Variants in FHIT observed in about 807,000 individuals in gnomAD.
FHIT encodes the protein bis(5'-adenosyl)-triphosphatase.
A neutral mutation model predicts 17.9 loss-of-function variants in FHIT; 19 were observed. The ratio of observed to expected loss-of-function variants is 1.06; its 90% CI spans 0.74 to 1.56. FHIT has a LOEUF of 1.56. Among genes scored for constraint, FHIT ranks in the 40% most tolerant of loss-of-function variants. The pLI is 0.00. For missense variants in FHIT, 248 were observed against 189.2 expected (o/e 1.31, Z -1.82); for synonymous variants, 81 against 69.7 (o/e 1.16, Z -0.81).
chr3:59,975,436 T>A (rs1335198674), intron 7 of FHIT, among the ~76,000 whole-genome samples: 1 of 152,128 alleles, frequency 6.6e-6, no homozygotes, highest in East Asian at 1.9e-4. Context: ...TGTAAGATGC[T>A]TTGCATAGTT....
At chr3:59,835,813 T>G (rs920241586) in intron 8 of FHIT, among the ~76,000 whole-genome samples, 2 of 152,148 alleles carry the variant, frequency 1.3e-5, no homozygotes, top group Non-Finnish European at 2.9e-5. Context: ...CAGCCTATAA[T>G]GAAATTCTAA....
intron 4 of FHIT, among the ~76,000 whole-genome samples, chr3:60,717,181 G>A (rs1461326628): frequency 6.6e-6 from 1 of 152,104 alleles, no homozygotes; most frequent in Non-Finnish European, 1.5e-5. Flanking sequence ...TGGTCAAAGG[G>A]TACAAAGTTT....
At chr3:61,220,113 A>G (rs2039798152) in intron 1 of FHIT, among the ~76,000 whole-genome samples, 1 of 152,196 alleles carries the variant, frequency 6.6e-6, no homozygotes, top group South Asian at 2.1e-4. Flanking sequence ...ATTCAGGTAC[A>G]AGAATGAAGA....
intron 7 of FHIT, among the ~76,000 whole-genome samples, chr3:59,956,623 G>T (rs764252634): frequency 6.6e-6 from 1 of 152,062 alleles, no homozygotes; most frequent in African/African-American, 2.4e-5. Flanking sequence ...AGCCAAGATC[G>T]CGCCACTGCA....
intron 4 of FHIT, among the ~76,000 whole-genome samples, chr3:60,685,629 A>G (rs2040845467): frequency 2.0e-5 from 3 of 152,188 alleles, no homozygotes; most frequent in East Asian, 1.9e-4. Flanking sequence ...TCTAAGAACG[A>G]GTATTCATTC....
Position 60,406,546 on chromosome 3 carries a change from C to T in FHIT, c.103+130314G>A, listed in dbSNP as rs144221542. ...TCCTTTATTAGCTTCCTTTCTTTATCGTTTGCTTTCACTGTATGTTTTGTG... is the reference window on the plus strand; with the variant it reads ...TCCTTTATTAGCTTCCTTTCTTTATTGTTTGCTTTCACTGTATGTTTTGTG... On this transcript the variant is annotated intron_variant, in intron 5 of 9. Coordinates refer to ENST00000492590, the MANE Select transcript of FHIT (RefSeq NM_002012.4). Among the ~76,000 whole-genome samples, 11 of 152,222 alleles carry T rather than the reference C, an allele frequency of 7.2e-5. No individual in the cohort carries two copies. In the East Asian group the frequency reaches 1.4e-3, roughly 19 times the overall value.
At chr3:60,231,071 A>G (rs553964176) in intron 5 of FHIT, among the ~76,000 whole-genome samples, 2 of 152,208 alleles carry the variant, frequency 1.3e-5, no homozygotes, top group Non-Finnish European at 2.9e-5. Flanking sequence ...CGGAAATAAA[A>G]TAATCTTATG....
At chr3:60,786,656 T>G (rs1283197071) in intron 4 of FHIT, among the ~76,000 whole-genome samples, 3 of 152,208 alleles carry the variant, frequency 2.0e-5, no homozygotes, top group Admixed American at 1.3e-4. Flanking sequence ...TAATTATAAT[T>G]ATCATCTAAA....
intron 4 of FHIT, among the ~76,000 whole-genome samples, chr3:60,699,386 T>G (rs1309493911): frequency 6.6e-6 from 1 of 152,192 alleles, no homozygotes; most frequent in African/African-American, 2.4e-5. Context: ...TGTATAATAC[T>G]GAGAAATATC....
intron 5 of FHIT, among the ~76,000 whole-genome samples, chr3:60,155,760 T>C (rs1700660999): frequency 6.6e-6 from 1 of 152,170 alleles, no homozygotes; most frequent in South Asian, 2.1e-4. Flanking sequence ...TTGTTTGCTG[T>C]TTGTGATTTG....
At chr3:60,720,778 T>C (rs1288151030) in intron 4 of FHIT, among the ~76,000 whole-genome samples, 1 of 152,084 alleles carries the variant, frequency 6.6e-6, no homozygotes, top group Non-Finnish European at 1.5e-5. Flanking sequence ...ATACTGGGCG[T>C]CAAGAAGAGT....
chr3:61,198,642 A>G (rs1290879730), intron 2 of FHIT, among the ~76,000 whole-genome samples: 1 of 152,152 alleles, frequency 6.6e-6, no homozygotes, highest in Non-Finnish European at 1.5e-5. Flanking sequence ...ATTGATGACA[A>G]CCAAGGAAGG....
chr3:60,065,640 T>G (rs751873902), intron 5 of FHIT, among the ~76,000 whole-genome samples: 2 of 152,204 alleles, frequency 1.3e-5, no homozygotes, highest in Non-Finnish European at 2.9e-5. Flanking sequence ...AGAGGCAAGA[T>G]GCTTCTCAAG....
chr3:60,120,576 T>C (rs1423993912), intron 5 of FHIT, among the ~76,000 whole-genome samples: 3 of 152,162 alleles, frequency 2.0e-5, no homozygotes, highest in African/African-American at 4.8e-5. Context: ...AGTATAAAAA[T>C]TTACTGTAGG....
At chr3:60,501,817 T>C (rs2034536366) in intron 5 of FHIT, among the ~76,000 whole-genome samples, 1 of 152,254 alleles carries the variant, frequency 6.6e-6, no homozygotes, top group Non-Finnish European at 1.5e-5. Flanking sequence ...GTGTTTTACT[T>C]GGAGTTATTC....
At chr3:60,320,247 T>C (rs1045141434) in intron 5 of FHIT, among the ~76,000 whole-genome samples, 2 of 152,184 alleles carry the variant, frequency 1.3e-5, no homozygotes, top group African/African-American at 4.8e-5. Context: ...CATAAGCTTC[T>C]AGACAAAAGC....
intron 4 of FHIT, among the ~76,000 whole-genome samples, chr3:60,739,235 TG>T (rs1158683221): frequency 2.0e-5 from 3 of 152,240 alleles, no homozygotes; most frequent in African/African-American, 7.2e-5. Flanking sequence ...GACAAGAGCT[TG>T]GGATACAGAA....
chr3:60,742,118 G>A (rs1449506195), intron 4 of FHIT, among the ~76,000 whole-genome samples: 1 of 152,168 alleles, frequency 6.6e-6, no homozygotes, highest in East Asian at 1.9e-4. Context: ...GTAAAATAGC[G>A]GGGAAGTAGG....
intron 8 of FHIT, among the ~76,000 whole-genome samples, chr3:59,787,481 A>AACACACACACACACAC (rs58100812): frequency 7.0e-6 from 1 of 142,400 alleles, no homozygotes; most frequent in Non-Finnish European, 1.5e-5. Flanking sequence ...CAAGGGGCAA[A>AACACACACACACACAC]ACACACACAC....
Sources: allele counts gnomAD v4.1 joint callset (sites outside exome capture counted in the v4.1 genomes callset), GRCh38; gene constraint gnomAD v4.1.1; transcripts MANE v1.5; gene names NCBI Gene and HGNC (gene_info 2026-07-23, HGNC 2026-07-21).